The following HDLBP variants were observed in gnomAD, a reference collection of about 807,000 sequenced individuals.
HDLBP encodes vigilin.
Under a neutral mutation model 137.3 loss-of-function variants are expected in HDLBP, and 30 were observed. The ratio of observed to expected loss-of-function variants is 0.22; its 90% CI spans 0.16 to 0.30. The LOEUF is 0.30. Among genes scored for constraint, HDLBP ranks in the 10% least tolerant of loss-of-function variants. The pLI, the probability that HDLBP is intolerant of heterozygous loss-of-function variation, is 1.00. For missense variants in HDLBP, 1,119 were observed against 1,667.3 expected, an observed-to-expected ratio of 0.67 and a Z score of 5.73; for synonymous variants, 606 against 596.0, an observed-to-expected ratio of 1.02 and a Z score of -0.24.
chr2:241,278,035 G>C (rs2074459223), intron 1 of HDLBP, among the ~76,000 whole-genome samples: 1 of 152,160 alleles, frequency 6.6e-6, no homozygotes, highest in Admixed American at 6.5e-5. Context: ...TTGTAAGGAA[G>C]CTTTCAGAGA....
In HDLBP at chr2:241,300,925, A is replaced by C. The variant is rs1373783331; in HGVS notation, c.-103+14645T>G. On this transcript the variant is annotated intron_variant, in intron 1 of 27. Transcript: ENST00000310931. ...AAAAGAAAAAAATTGTATTCTTCAAAGTGAACTGATTTCATGCACACATAC... is the reference window on the plus strand; with the variant it reads ...AAAAGAAAAAAATTGTATTCTTCAACGTGAACTGATTTCATGCACACATAC... 2.0e-5 allele frequency among the ~76,000 whole-genome samples: 3 copies of C among 151,470 alleles called. No individual in the cohort carries two copies. In the East Asian group the frequency reaches 5.8e-4, roughly 29 times the overall value.
In HDLBP at chr2:241,238,607, C is replaced by A; in HGVS notation, c.2749+42G>T. ...ACAGCCCCGCCTCTCACATGGGAGG[C>A]GCCACTATTAACAAGCAGAGCAGGG... On this transcript the variant is annotated intron_variant, in intron 20 of 27. Transcript: ENST00000310931. This position sits in a 1 kb window ranked among gnomAD's most constrained non-coding sequence, Gnocchi z 4.9. 7.0e-7 allele frequency: 1 copy of A among 1,434,902 alleles called. No homozygotes were observed. The highest frequency in any genetic ancestry group is 9.3e-7 in the Non-Finnish European group (1 of 1,077,264). 88.9% of individuals were successfully genotyped at this position (1,434,902 alleles called of 1,614,324 possible).
chr2:241,306,766 C>T (rs2075591294), intron 1 of HDLBP, among the ~76,000 whole-genome samples: 1 of 151,602 alleles, frequency 6.6e-6, no homozygotes, highest in Non-Finnish European at 1.5e-5. Flanking sequence ...CCTGTAGTCC[C>T]AGCTACTCAG....
chr2:241,273,238 G>C, intron 1 of HDLBP: 1 of 985,528 alleles, frequency 1.0e-6, no homozygotes, highest in Non-Finnish European at 1.2e-6. Context: ...ACAGCGCAGT[G>C]AGGCTCCCAG....
At chr2:241,243,581 A>G (rs1307256777) in intron 16 of HDLBP, 1 of 153,176 alleles carries the variant, frequency 6.5e-6, no homozygotes, top group East Asian at 1.9e-4. Context: ...CAGTGCCTGC[A>G]GCTCAGTCGG....
intron 16 of HDLBP, 30 bp from the exon 17 acceptor site, chr2:241,242,708 A>G (rs746125888): frequency 6.3e-7 from 1 of 1,587,756 alleles, no homozygotes; most frequent in Non-Finnish European, 8.6e-7. Context: ...AGGAGGAGGA[A>G]GTCACATTTT....
At position 241,256,335 on chromosome 2, in the gene HDLBP, T is replaced by C; in HGVS notation, c.722A>G (p.Tyr241Cys). ...CATGATCTCGCCAACCAGTCTATTA[T>C]ACGGCCCAGCGATGAAGGGGTGGAA... is the stretch of plus-strand genomic sequence containing the variant. ...KAFHPFIAGPYNRLVGEIMQE... is the reference protein window; with the variant it reads ...KAFHPFIAGPCNRLVGEIMQE... The change falls in exon 7 of 28, where the codon TAT (tyrosine) becomes TGT (cysteine). Residue 241 changes from tyrosine to cysteine, a missense_variant. By Grantham distance (194) the Tyr-to-Cys change is radical. Around this residue, in one of 4 missense-constraint regions of HDLBP, gnomAD observed 425 missense variants for 693.9 expected, o/e 0.61. Coordinates refer to ENST00000310931, the MANE Select transcript of HDLBP (RefSeq NM_005336.6). 1.2e-6 allele frequency: 2 copies of C among 1,614,160 alleles called. No homozygotes were observed. Among genetic ancestry groups the C allele is most frequent in the Non-Finnish European group, 1.7e-6 (2 of 1,180,016 alleles).
chr2:241,283,077 T>C (rs4675968), intron 1 of HDLBP, among the ~76,000 whole-genome samples: 80,521 of 152,052 alleles, frequency 0.53, 22,177 homozygotes, highest in East Asian at 0.78. Context: ...AGTGAACACA[T>C]AAATGGTAAG....
intron 1 of HDLBP, among the ~76,000 whole-genome samples, chr2:241,284,411 T>C (rs1159890082): frequency 1.3e-5 from 2 of 152,186 alleles, no homozygotes; most frequent in African/African-American, 4.8e-5. Context: ...TGGGACTGAA[T>C]TGCTGCAATC....
At chr2:241,314,329 G>C (rs1293766250) in intron 1 of HDLBP, among the ~76,000 whole-genome samples, 1 of 152,150 alleles carries the variant, frequency 6.6e-6, no homozygotes, top group East Asian at 1.9e-4. Flanking sequence ...TGAACATTAA[G>C]CTTATTATGC....
intron 17 of HDLBP, among the ~76,000 whole-genome samples, chr2:241,242,187 G>A (rs185932610): frequency 6.6e-4 from 100 of 152,258 alleles, no homozygotes; most frequent in African/African-American, 2.2e-3. Flanking sequence ...CTGAAGAATG[G>A]CCAATTTTAC....
At chr2:241,234,014 G>C in intron 23 of HDLBP, 51 bp from the exon 24 acceptor site, 1 of 1,602,516 alleles carries the variant, frequency 6.2e-7, no homozygotes, top group Non-Finnish European at 8.5e-7. Context: ...GATCCACCCT[G>C]TGACTCCATT....
chr2:241,270,392 G>A (rs79829684), intron 1 of HDLBP, among the ~76,000 whole-genome samples: 3 of 152,210 alleles, frequency 2.0e-5, no homozygotes, highest in South Asian at 2.1e-4. Flanking sequence ...TTGTCAGAGC[G>A]TGTAACGAAT....
At chr2:241,258,217 G>T (rs2072861616) in intron 5 of HDLBP, among the ~76,000 whole-genome samples, 1 of 152,000 alleles carries the variant, frequency 6.6e-6, no homozygotes, top group Non-Finnish European at 1.5e-5. Flanking sequence ...CATGGTGGCA[G>T]GCGCCTGTAA....
chr2:241,287,509 C>T (rs1371022578), intron 1 of HDLBP, among the ~76,000 whole-genome samples: 1 of 151,816 alleles, frequency 6.6e-6, no homozygotes, highest in African/African-American at 2.4e-5. Flanking sequence ...CAACCTCTGC[C>T]TCCCAGGTTC....
At chr2:241,273,469 C>G (rs190871781) in intron 1 of HDLBP, 3 of 524,156 alleles carry the variant, frequency 5.7e-6, no homozygotes, top group Non-Finnish European at 7.3e-6. Context: ...ACGGTGGATA[C>G]GCAGGACTGG....
Position 241,233,820 on chromosome 2 carries a change from C to G in HDLBP, c.3288G>C (p.Gln1096His). 6.2e-7 allele frequency: 1 copy of G among 1,614,188 alleles called. No individual in the cohort carries two copies. The highest frequency in any genetic ancestry group is 8.5e-7 in the Non-Finnish European group (1 of 1,180,042). ...IQFPDKDDGN[Q>H]PQDQITITGY... is the part of the protein sequence containing the mutation. ...GACACGCTCCAACCGAGGCTCTCACCTGGTTCCCATCGTCCTTATCAGGAA... is the reference window on the plus strand; with the variant it reads ...GACACGCTCCAACCGAGGCTCTCACGTGGTTCCCATCGTCCTTATCAGGAA... The change falls in exon 24 of 28, where the codon CAG becomes CAC. Residue 1096 changes from glutamine (Q) to histidine (H), a missense_variant and splice_region_variant. By Grantham distance (24) the Gln-to-His change is conservative. Transcript: ENST00000310931. The surrounding 1 kb of genome is among the most constrained non-coding windows in gnomAD (Gnocchi z 4.3).
intron 4 of HDLBP, among the ~76,000 whole-genome samples, chr2:241,263,313 CGGA>C (rs764031801): frequency 2.0e-5 from 3 of 152,166 alleles, no homozygotes; most frequent in Non-Finnish European, 4.4e-5. Context: ...GGCAGGAAAG[CGGA>C]GGAGGTGGAT....
intron 12 of HDLBP, among the ~76,000 whole-genome samples, chr2:241,249,089 G>A (rs1318129441): frequency 6.6e-6 from 1 of 152,150 alleles, no homozygotes; most frequent in Non-Finnish European, 1.5e-5. Flanking sequence ...ACTGGGGAAT[G>A]AGCTCCGGGA....
Sources: allele counts gnomAD v4.1 joint callset (sites outside exome capture counted in the v4.1 genomes callset), GRCh38; gene constraint gnomAD v4.1.1; regional missense constraint gnomAD v4.1.1; non-coding constraint Gnocchi (gnomAD v3.1); transcripts MANE v1.5; gene names NCBI Gene and HGNC (gene_info 2026-07-23, HGNC 2026-07-21).